Variants in HOXC4 observed in about 807,000 individuals in gnomAD.
The protein encoded by HOXC4 is homeobox protein Hox-C4.
Under a neutral mutation model 25.5 loss-of-function variants are expected in HOXC4, and 15 were observed. That is an observed-to-expected ratio of 0.59 (90% CI 0.39 to 0.91). The LOEUF (loss-of-function observed/expected upper bound fraction) is 0.91. Among genes scored for constraint, HOXC4 ranks in the 40% least tolerant of loss-of-function variants. The probability of loss-of-function intolerance (pLI) is 0.00; values close to 1 mark genes in which losing one functional copy is unlikely to be tolerated. For missense variants in HOXC4, 342 were observed against 352.4 expected, an observed-to-expected ratio of 0.97 and a Z score of 0.24; for synonymous variants, 165 against 148.0, an observed-to-expected ratio of 1.11 and a Z score of -0.83.
intron 1 of HOXC4, among the ~76,000 whole-genome samples, chr12:54,044,439 C>A (rs1937649498): frequency 6.6e-6 from 1 of 152,146 alleles, no homozygotes; most frequent in South Asian, 2.1e-4. Context: ...CACAAAGGAA[C>A]TAACATTGAC....
intron 1 of HOXC4, among the ~76,000 whole-genome samples, chr12:54,025,528 G>T (rs1404014353): frequency 1.5e-4 from 4 of 26,040 alleles, no homozygotes; most frequent in Admixed American, 2.3e-4. Flanking sequence ...AAAGGTAATT[G>T]GGGGGGGGGG....
chr12:54,055,745 GT>G lies in HOXC4; in HGVS notation c.*542del, dbSNP rs1193882403. Reference sequence around the variant, plus strand: ...AGCTATGAAGTTCTTTTGTATTATTGTTGGGGGGGGGTGTGGGAGGAGAGGG... The same window carrying G: ...AGCTATGAAGTTCTTTTGTATTATTGTGGGGGGGGGTGTGGGAGGAGAGGG... On this transcript the variant is annotated 3_prime_UTR_variant, in exon 2 of 2. Transcript: ENST00000430889. 1.2e-5 allele frequency: 1 copy of G among 84,352 alleles called. No homozygotes were observed. The highest frequency in any genetic ancestry group is 2.3e-5 in the Non-Finnish European group (1 of 44,246). 5.2% of individuals were successfully genotyped at this position (84,352 alleles called of 1,614,324 possible). A position where few individuals can be genotyped will look rare whatever the true frequency, so the allele number is the denominator to read the frequency against.
chr12:54,027,285 C>T lies in HOXC4; in HGVS notation c.-124+9871C>T, dbSNP rs1027743347. On this transcript the variant is annotated intron_variant, in intron 1 of 3. Coordinates refer to the HOXC4 transcript ENST00000303406. ...CACTTGGGTGAGAGCTCCTTAGAAC[C>T]CCTTTCTGAAGTCTCCAAGCCTCAT... Among the ~76,000 whole-genome samples, 4 of 152,292 alleles carry T rather than the reference C, an allele frequency of 2.6e-5. No homozygotes were observed. In the East Asian group the frequency reaches 7.7e-4, roughly 29 times the overall value.
At chr12:54,025,240 CTGA>C (rs1310060338) in intron 1 of HOXC4, among the ~76,000 whole-genome samples, 1 of 152,106 alleles carries the variant, frequency 6.6e-6, no homozygotes, top group African/African-American at 2.4e-5. Flanking sequence ...CTTGCTTCTG[CTGA>C]TGAGTTTCCA....
At chr12:54,054,473 T>G in intron 1 of HOXC4, 112 bp downstream of exon 1, 26 of 570,030 alleles carry the variant, frequency 4.6e-5, no homozygotes, top group African/African-American at 8.3e-5. Context: ...CCCCTCTCTC[T>G]CCAGGAGCGA....
chr12:54,029,127 G>T (rs553311752), intron 1 of HOXC4, among the ~76,000 whole-genome samples: 1 of 152,272 alleles, frequency 6.6e-6, no homozygotes, highest in South Asian at 2.1e-4. Flanking sequence ...GCCCCTGACG[G>T]ATTGGAGGGC....
intron 1 of HOXC4, chr12:54,034,168 C>G: frequency 9.3e-7 from 1 of 1,080,186 alleles, no homozygotes; most frequent in Non-Finnish European, 1.4e-6. Flanking sequence ...TCTTGCGGCT[C>G]TCGCCTCCTC....
chr12:54,019,319 C>T (rs960710046), intron 1 of HOXC4, among the ~76,000 whole-genome samples: 1 of 152,170 alleles, frequency 6.6e-6, no homozygotes, highest in Non-Finnish European at 1.5e-5. Context: ...CTGCCGCGCG[C>T]TCTCCCGCCG....
intron 1 of HOXC4, chr12:54,033,893 T>C: frequency 2.8e-6 from 1 of 352,590 alleles, no homozygotes; most frequent in Admixed American, 4.3e-5. Context: ...GCTCCCTCCC[T>C]CCCTCCCCTG....
rs1383066238 is a variant in HOXC4, at chr12:54,054,005, A to G, written c.83A>G (p.Tyr28Cys). 9 of 1,614,062 alleles carry G rather than the reference A, an allele frequency of 5.6e-6. No homozygotes were observed. Among genetic ancestry groups the G allele is most frequent in the Non-Finnish European group, 7.6e-6 (9 of 1,180,020 alleles). ...TGCGAAGAATATTCGCAAAATAGCT[A>G]CATCCCTGAACACAGTCCGGAATAT... ...PPCEEYSQNS[Y>C]IPEHSPEYYG... The change falls in exon 1 of 2, where the codon TAC becomes TGC. Residue 28 changes from tyrosine (Y) to cysteine (C), a missense_variant. By Grantham distance (194) the Tyr-to-Cys change is radical (BLOSUM62 -2). Transcript: ENST00000430889.
chr12:54,034,759 C>G (rs1163578384), intron 1 of HOXC4: 1 of 461,984 alleles, frequency 2.2e-6, no homozygotes, highest in African/African-American at 2.0e-5. Context: ...AGGACTTCCC[C>G]GGAGGGCTGC....
intron 1 of HOXC4, among the ~76,000 whole-genome samples, chr12:54,026,933 CT>C (rs796495350): frequency 8.6e-4 from 125 of 145,056 alleles, no homozygotes; most frequent in African/African-American, 2.2e-3. Context: ...TTATAGCCAG[CT>C]TTCCCCCCCC....
At chr12:54,017,379 C>T in exon 1 of HOXC4, 1 of 152,136 alleles carries the variant, frequency 6.6e-6, no homozygotes, top group Non-Finnish European at 1.5e-5. Context: ...GAGAGAGAGG[C>T]AGAGAGGGAG....
At chr12:54,050,200 G>T (rs987153269), upstream of HOXC4, among the ~76,000 whole-genome samples, 4 of 152,102 alleles carry the variant, frequency 2.6e-5, no homozygotes, top group East Asian at 3.8e-4. Flanking sequence ...GTTATCCAAC[G>T]GTCAGTATGG....
chr12:54,055,410 G>A lies in HOXC4; in HGVS notation c.*205G>A, dbSNP rs571588877. The A allele has an allele frequency of 1.0e-5, 2 of 196,288 alleles. No homozygotes were observed. Among genetic ancestry groups the A allele is most frequent in the South Asian group, 1.9e-4 (1 of 5,186 alleles). 12.2% of individuals were successfully genotyped at this position (196,288 alleles called of 1,614,324 possible). A position where few individuals can be genotyped will look rare whatever the true frequency, so the allele number is the denominator to read the frequency against. ...CCCCTGCCCTCCTCTCCCTCCCACTGTTAAGGACCCTTTTAAGCATGTGAT... is the reference window on the plus strand; with the variant it reads ...CCCCTGCCCTCCTCTCCCTCCCACTATTAAGGACCCTTTTAAGCATGTGAT... On this transcript the variant is annotated 3_prime_UTR_variant, in exon 2 of 2. Transcript: ENST00000430889.
intron 1 of HOXC4, chr12:54,033,160 G>C (rs1373603433): frequency 1.2e-6 from 2 of 1,613,990 alleles, no homozygotes; most frequent in Non-Finnish European, 1.7e-6. Context: ...TATAAGCAGA[G>C]CCCCAATATC....
chr12:54,035,688 A>T (rs146874693), intron 1 of HOXC4, among the ~76,000 whole-genome samples: 441 of 152,226 alleles, frequency 2.9e-3, no homozygotes, highest in African/African-American at 0.01. Context: ...GCGGTGCAGG[A>T]ACCAGTGGCT....
rs1228826275 is a variant in HOXC4 at position 54,053,900 on chromosome 12, A to G, written c.-23A>G. On this transcript the variant is annotated 5_prime_UTR_variant, in exon 1 of 2. Transcript: ENST00000430889. The stretch of plus-strand genomic sequence containing the variant: ...GCAGAAAAACGACAAAGCGAGAAAA[A>G]TTATTTTCCACTCCAGAAATTAATG... 6.3e-7 allele frequency: 1 copy of G among 1,578,652 alleles called. No individual in the cohort carries two copies. The highest frequency in any genetic ancestry group is 8.7e-7 in the Non-Finnish European group (1 of 1,152,108).
At chr12:54,024,241 G>A (rs1940582311) in intron 1 of HOXC4, among the ~76,000 whole-genome samples, 2 of 152,100 alleles carry the variant, frequency 1.3e-5, no homozygotes, top group Admixed American at 1.3e-4. Flanking sequence ...AGACTTGGGG[G>A]TGGTGGGGGC....
Sources: gnomAD v4.1 joint callset for allele counts (sites outside exome capture counted in the v4.1 genomes callset) on GRCh38, gnomAD v4.1.1 for gene constraint, MANE v1.5 for transcripts, NCBI Gene and HGNC (gene_info 2026-07-23, HGNC 2026-07-21) for gene names.